Variants in SLC47A2 observed in about 807,000 individuals in gnomAD.
SLC47A2 encodes multidrug and toxin extrusion protein 2.
Under a neutral mutation model 67.7 loss-of-function variants are expected in SLC47A2, and 52 were observed. The observed-to-expected ratio is 0.77, with a 90% CI of 0.61 to 0.97. The LOEUF (loss-of-function observed/expected upper bound fraction) is 0.97. Among genes scored for constraint, SLC47A2 ranks in the 50% least tolerant of loss-of-function variants. The pLI is 0.00. For missense variants in SLC47A2, 676 were observed against 712.3 expected, an observed-to-expected ratio of 0.95 and a Z score of 0.58; for synonymous variants, 278 against 292.9, an observed-to-expected ratio of 0.95 and a Z score of 0.52.
At chr17:19,704,699 G>C in intron 10 of SLC47A2, 1 of 1,549,534 alleles carries the variant, frequency 6.5e-7, no homozygotes. Context: ...GTGTCTCTGT[G>C]GGGAGTAGAG....
At chr17:19,714,222 CG>C (rs2086188609) in intron 3 of SLC47A2, among the ~76,000 whole-genome samples, 1 of 152,194 alleles carries the variant, frequency 6.6e-6, no homozygotes, top group Middle Eastern at 3.2e-3. Context: ...CACATGTCAG[CG>C]GCAGGTTAAG....
chr17:19,699,202 T>TC (rs1401098206), intron 13 of SLC47A2, among the ~76,000 whole-genome samples: 2 of 152,040 alleles, frequency 1.3e-5, no homozygotes, highest in African/African-American at 4.8e-5. Flanking sequence ...GTTTTTTTTT[T>TC]CCAAGAAATG....
At chr17:19,713,995 G>C in intron 3 of SLC47A2, 22 bp from the exon 4 acceptor site, 11 of 1,605,508 alleles carry the variant, frequency 6.9e-6, no homozygotes, top group Non-Finnish European at 9.4e-6. Context: ...CCCGCCCCGC[G>C]TCAGCCGTTT....
At chr17:19,713,741 G>T (rs952639146) in intron 4 of SLC47A2, 84 bp downstream of exon 4, 55 of 1,538,710 alleles carry the variant, frequency 3.6e-5, no homozygotes, top group Non-Finnish European at 4.8e-5. Flanking sequence ...AGCATGGGGT[G>T]TGAGGGCTGG....
Position 19,688,979 on chromosome 17 carries a change from C to T in SLC47A2, c.1165-7309G>A, listed in dbSNP as rs117157292. On this transcript the variant is annotated intron_variant, in intron 13 of 16. Coordinates refer to ENST00000433844, the MANE Select transcript of SLC47A2 (RefSeq NM_001099646.3). ...CTCTTGAGCTCAAGCAGTCCTCCCA[C>T]CTCAGCCTCTCAAGTAGTTAGGACT... is the stretch of plus-strand genomic sequence containing the variant. Among the ~76,000 whole-genome samples, 309 of 152,222 alleles carry T rather than the reference C, an allele frequency of 2.0e-3. 3 individuals carry two copies. The East Asian group carries it at 0.047, about 23-fold the overall frequency.
At chr17:19,711,565 G>A (rs1312493425) in intron 5 of SLC47A2, among the ~76,000 whole-genome samples, 2 of 100,450 alleles carry the variant, frequency 2.0e-5, no homozygotes, top group Non-Finnish European at 3.7e-5. Context: ...CTCCAGCCTG[G>A]ATGACAGAGC....
chr17:19,689,477 T>A (rs2085494346), intron 13 of SLC47A2, among the ~76,000 whole-genome samples: 1 of 152,092 alleles, frequency 6.6e-6, no homozygotes, highest in Non-Finnish European at 1.5e-5. Flanking sequence ...TGAGTGGGTC[T>A]CTTGAGACCA....
At chr17:19,702,485 C>G (rs543104401) in intron 13 of SLC47A2, 120 bp downstream of exon 13, 59 of 1,516,960 alleles carry the variant, frequency 3.9e-5, no homozygotes, top group South Asian at 8.8e-5. Context: ...ACTTACTATA[C>G]AGTTAGCCCT....
chr17:19,711,013 TAGTC>T (rs1328984977), intron 5 of SLC47A2, among the ~76,000 whole-genome samples: 1 of 150,646 alleles, frequency 6.6e-6, no homozygotes, highest in African/African-American at 2.4e-5. Flanking sequence ...TTCTCCATAT[TAGTC>T]AGGCTGGTCT....
chr17:19,716,714 C>T, upstream of SLC47A2: 1 of 1,142,062 alleles, frequency 8.8e-7, no homozygotes. Context: ...GGGATGAGCC[C>T]TGCCTCCTAG....
At chr17:19,703,261 G>T in intron 11 of SLC47A2, 94 bp from the exon 12 acceptor site, 1 of 1,168,138 alleles carries the variant, frequency 8.6e-7, no homozygotes, top group South Asian at 1.3e-5. Context: ...GTCAGTGCAA[G>T]TCAGCCCAGC....
intron 11 of SLC47A2, among the ~76,000 whole-genome samples, chr17:19,703,804 G>A (rs2085852968): frequency 6.6e-6 from 1 of 152,230 alleles, no homozygotes; most frequent in East Asian, 1.9e-4. Context: ...GCTGTCTCCA[G>A]AAGAGTCCCA....
At position 19,681,396 on chromosome 17, in the gene SLC47A2, G is replaced by C. The variant is rs560066484; in HGVS notation, c.1363C>G (p.Arg455Gly). The C allele has an allele frequency of 3.7e-6, 6 of 1,612,044 alleles. No individual in the cohort carries two copies. The African/African-American group carries it at 4.0e-5, about 11-fold the overall frequency. Residue 455 changes from arginine (R) to glycine (G), a missense_variant, in exon 15 of 17, where the codon CGG (arginine) becomes GGG (glycine). Physicochemically the swap from Arg to Gly is moderately radical, Grantham distance 125. Transcript: ENST00000433844. ...TCTGCAGCAAGCTTCCAGTCCAGCC[G>C]GGCAGTATAAGCAACAAAGGCAGCA... Reference protein sequence around the residue: ...ATAAFVAYTARLDWKLAAEEA... With the variant: ...ATAAFVAYTAGLDWKLAAEEA...
intron 3 of SLC47A2, 86 bp downstream of exon 3, chr17:19,714,635 C>A: frequency 6.6e-7 from 1 of 1,518,382 alleles, no homozygotes; most frequent in Non-Finnish European, 9.1e-7. Flanking sequence ...CCTGGCTGCG[C>A]CCCTCCCACC....
upstream of SLC47A2, chr17:19,717,907 A>G (rs1448915339): frequency 2.0e-5 from 3 of 152,196 alleles, no homozygotes; most frequent in African/African-American, 4.8e-5. Flanking sequence ...CAACCTGTGC[A>G]CCAAATAGTA....
rs114586377 is a variant in SLC47A2 at position 19,708,621 on chromosome 17, A to G, written c.531+95T>C. The G allele has an allele frequency of 7.3e-5, 116 of 1,595,834 alleles. No individual in the cohort carries two copies. The African/African-American group carries it at 1.4e-3, about 20-fold the overall frequency. ...ACCCCTTTCAAGAGCTGGTTCACAG[A>G]TGGTGGAGAGAAGGGGAAAGCCCCA... is the stretch of plus-strand genomic sequence containing the variant. On this transcript the variant is annotated intron_variant, in intron 6 of 16. Coordinates refer to ENST00000433844, the MANE Select transcript of SLC47A2 (RefSeq NM_001099646.3).
rs1160461472 is a variant in SLC47A2, at chr17:19,678,618, G to A, written c.*68C>T. On this transcript the variant is annotated 3_prime_UTR_variant, in exon 17 of 17. Transcript: ENST00000433844. ...ACTAGACCCCATTGGTGTTTTTGCAGGGCAGACCGTGGTGTGTTTGCATAC... is the reference window on the plus strand; with the variant it reads ...ACTAGACCCCATTGGTGTTTTTGCAAGGCAGACCGTGGTGTGTTTGCATAC... 1 of 1,531,100 alleles carries A rather than the reference G, an allele frequency of 6.5e-7. No individual in the cohort carries two copies. Among genetic ancestry groups the A allele is most frequent in the East Asian group, 2.3e-5 (1 of 44,216 alleles). The allele number at this position is 1,531,100 out of a possible 1,614,324, so 94.8% of individuals were successfully genotyped here. A position where few individuals can be genotyped will look rare whatever the true frequency, so the allele number is the denominator to read the frequency against.
intron 13 of SLC47A2, among the ~76,000 whole-genome samples, chr17:19,682,379 AT>A (rs1027082653): frequency 1.5e-4 from 22 of 150,668 alleles, no homozygotes; most frequent in African/African-American, 5.4e-4. Context: ...TTATTATTTT[AT>A]TTTACAGTTC....
At chr17:19,712,832 G>C in intron 4 of SLC47A2, 87 bp from the exon 5 acceptor site, 1 of 1,283,484 alleles carries the variant, frequency 7.8e-7, no homozygotes, top group South Asian at 1.3e-5. Flanking sequence ...AGGACTGGGT[G>C]CTCGGCCGCT....
Sources: gnomAD v4.1 joint callset for allele counts (sites outside exome capture counted in the v4.1 genomes callset) on GRCh38, gnomAD v4.1.1 for gene constraint, MANE v1.5 for transcripts, NCBI Gene and HGNC (gene_info 2026-07-23, HGNC 2026-07-21) for gene names.